The following CARS1 variants were observed in gnomAD, a reference collection of about 807,000 sequenced individuals.
The protein encoded by CARS1 is cysteine--tRNA ligase, cytoplasmic.
In CARS1, 48 loss-of-function variants were observed where a neutral mutation model predicts 106.2. That is an observed-to-expected ratio of 0.45 (90% CI 0.36 to 0.57). CARS1 has a LOEUF of 0.57. CARS1 is among the 20% of genes least tolerant of loss of function. CARS1 has a pLI of 0.00. For missense variants in CARS1, 968 were observed against 1,057.2 expected (o/e 0.92, Z 1.17); for synonymous variants, 409 against 403.4 (o/e 1.01, Z -0.17).
At position 3,028,445 on chromosome 11, in the gene CARS1, C is replaced by A. The variant is rs1301787407; in HGVS notation, c.1031+551G>T. On this transcript the variant is annotated intron_variant, in intron 9 of 22. Coordinates refer to ENST00000380525, the MANE Select transcript of CARS1 (RefSeq NM_001014437.3). The surrounding 1 kb of genome is among the most constrained non-coding windows in gnomAD (Gnocchi z 4.4). ...AACCCACCGACCCTGTGGGGCTGGT[C>A]CCTACACACTACAGACAGATAACCG... The A allele has an allele frequency of 8.7e-6, 2 of 230,272 alleles. No individual in the cohort carries two copies. Among genetic ancestry groups the A allele is most frequent in the Non-Finnish European group, 1.7e-5 (2 of 118,834 alleles). 14.3% of individuals were successfully genotyped at this position (230,272 alleles called of 1,614,324 possible).
rs1454607886 is a variant in CARS1, at chr11:3,041,108, A to G, written c.367-124T>C. 2.7e-6 allele frequency: 4 copies of G among 1,492,466 alleles called. No homozygotes were observed. The Admixed American group carries it at 7.6e-5, about 29-fold the overall frequency. 92.5% of individuals were successfully genotyped at this position (1,492,466 alleles called of 1,614,324 possible). On this transcript the variant is annotated intron_variant, in intron 3 of 22. Transcript: ENST00000380525. The surrounding 1 kb of genome is among the most constrained non-coding windows in gnomAD (Gnocchi z 4.9). ...TAGTGTAAACAATTCAACAGAGACC[A>G]TTTTGTTTTACTGTGAAAAGTCACA...
At chr11:3,035,309 G>A (rs1853469378) in intron 7 of CARS1, among the ~76,000 whole-genome samples, 1 of 152,136 alleles carries the variant, frequency 6.6e-6, no homozygotes, top group South Asian at 2.1e-4. Context: ...GCAAGCACTT[G>A]ACAAGATGCT....
Position 3,005,715 on chromosome 11 carries a change from C to A in CARS1, c.2150-282G>T, listed in dbSNP as rs564727837. On this transcript the variant is annotated intron_variant, in intron 19 of 22. Coordinates refer to ENST00000380525, the MANE Select transcript of CARS1 (RefSeq NM_001014437.3). Reference sequence around the variant, plus strand: ...TGGCACGATCTCAGTTCACTGCAACCTTTGCCTATCGGGTTCAAGCAATTC... The same window carrying A: ...TGGCACGATCTCAGTTCACTGCAACATTTGCCTATCGGGTTCAAGCAATTC... Among the ~76,000 whole-genome samples the A allele has an allele frequency of 3.3e-5, 5 of 150,946 alleles. No homozygotes were observed. In the South Asian group the frequency reaches 8.3e-4, roughly 25 times the overall value.
At position 3,029,212 on chromosome 11, in the gene CARS1, C is replaced by A; in HGVS notation, c.942+91G>T. On this transcript the variant is annotated intron_variant, in intron 8 of 22. Coordinates refer to ENST00000380525, the MANE Select transcript of CARS1 (RefSeq NM_001014437.3). This position sits in a 1 kb window ranked among gnomAD's most constrained non-coding sequence, Gnocchi z 5.9. ...AACTCAAGTTCAATGTTGACTTGGC[C>A]GCTTAATTGAGCTGGCCTTGCCAAA... 1 of 1,506,158 alleles carries A rather than the reference C, an allele frequency of 6.6e-7. No individual in the cohort carries two copies. Among genetic ancestry groups the A allele is most frequent in the South Asian group, 1.1e-5 (1 of 87,606 alleles). The allele number at this position is 1,506,158 out of a possible 1,614,324, so 93.3% of individuals were successfully genotyped here.
At position 3,026,768 on chromosome 11, in the gene CARS1, T is replaced by G; in HGVS notation, c.1061A>C (p.Asp354Ala). 1.2e-6 allele frequency: 2 copies of G among 1,613,762 alleles called. No homozygotes were observed. Among genetic ancestry groups the G allele is most frequent in the Non-Finnish European group, 1.7e-6 (2 of 1,179,882 alleles). The part of the protein sequence containing the change: ...GYVSNGSVYF[D>A]TAKFASSEKH... The stretch of plus-strand genomic sequence containing the variant: ...CTCGCTAGAAGCAAACTTCGCTGTA[T>G]CAAAGTAGACAGACCCATTGGAGAC... Residue 354 changes from aspartate to alanine, a missense_variant, in exon 10 of 23, where the codon GAT becomes GCT. Coordinates refer to ENST00000380525, the MANE Select transcript of CARS1 (RefSeq NM_001014437.3).
chr11:3,035,899 G>A (rs549775185), intron 7 of CARS1, among the ~76,000 whole-genome samples: 1 of 152,328 alleles, frequency 6.6e-6, no homozygotes, highest in South Asian at 2.1e-4. Context: ...GCATCCAGGA[G>A]CTGAAATGTC....
intron 14 of CARS1, chr11:3,018,200 C>T (rs1016774191): frequency 3.8e-5 from 23 of 609,722 alleles, no homozygotes; most frequent in African/African-American, 1.1e-4. Context: ...ACTAGGAGGA[C>T]GAGGCCTCTG....
At position 3,005,422 on chromosome 11, in the gene CARS1, C is replaced by T; in HGVS notation, c.2161G>A (p.Val721Met). The T allele has an allele frequency of 6.2e-7, 1 of 1,613,854 alleles. No homozygotes were observed. Among genetic ancestry groups the T allele is most frequent in the Middle Eastern group, 1.7e-4 (1 of 6,058 alleles). The change falls in exon 20 of 23, where the codon GTG (valine) becomes ATG (methionine). Residue 721 changes from valine to methionine, a missense_variant. Val to Met is a conservative substitution (Grantham distance 21, BLOSUM62 1). Transcript: ENST00000380525. ...RFEDHEGLPT[V>M]VKLVDRNTLL... ...GTGTTTCTGTCTACCAGTTTCACCA[C>T]TGTGGGCAGTCCTGCAAAATAAACT...
Position 3,019,251 on chromosome 11 carries a change from T to C in CARS1, c.1283A>G (p.His428Arg). The change falls in exon 12 of 23, where the codon CAT (histidine) becomes CGT (arginine). Residue 428 changes from histidine to arginine, a missense_variant. Physicochemically the swap from His to Arg is conservative, Grantham distance 29. Transcript: ENST00000380525. The surrounding 1 kb of genome is among the most constrained non-coding windows in gnomAD (Gnocchi z 6.2). ...CPWGKGRPGW[H>R]IECSAMAGTL... Reference sequence around the variant, plus strand: ...GCCTGCCATGGCCGAGCACTCGATATGCCAGCCCGGACGACCCTGGAGAAA... The same window carrying C: ...GCCTGCCATGGCCGAGCACTCGATACGCCAGCCCGGACGACCCTGGAGAAA... 2.8e-6 allele frequency: 4 copies of C among 1,450,090 alleles called. No homozygotes were observed. The highest frequency in any genetic ancestry group is 3.7e-6 in the Non-Finnish European group (4 of 1,094,620). 89.8% of individuals were successfully genotyped at this position (1,450,090 alleles called of 1,614,324 possible). A position where few individuals can be genotyped will look rare whatever the true frequency, so the allele number is the denominator to read the frequency against.
At chr11:3,026,892 G>A (rs919068802) in intron 9 of CARS1, 95 bp from the exon 10 acceptor site, 72 of 1,432,834 alleles carry the variant, frequency 5.0e-5, no homozygotes, top group Non-Finnish European at 5.5e-5. Flanking sequence ...GGCTATAAAA[G>A]TGCGAAATCT....
At chr11:3,016,917 G>A (rs914540355) in intron 16 of CARS1, among the ~76,000 whole-genome samples, 189 bp downstream of exon 16, 3 of 152,204 alleles carry the variant, frequency 2.0e-5, no homozygotes, top group African/African-American at 7.2e-5. Context: ...CCGCTTATGG[G>A]TGTTATTTCT....
chr11:3,047,042 C>T (rs949724416), intron 2 of CARS1, among the ~76,000 whole-genome samples: 16 of 152,250 alleles, frequency 1.1e-4, no homozygotes, highest in Non-Finnish European at 1.8e-4. Context: ...CTTTGGGAGG[C>T]CGAGGCGGGT....
rs187753612 is a variant in CARS1 at position 3,034,535 on chromosome 11, T to A, written c.801+3515A>T. On this transcript the variant is annotated intron_variant, in intron 7 of 22. Coordinates refer to ENST00000380525, the MANE Select transcript of CARS1 (RefSeq NM_001014437.3). The surrounding 1 kb of genome is among the most constrained non-coding windows in gnomAD (Gnocchi z 6.3). ...TGCGCCTGGCCGGGAATGGGTAAAATTTTTTTTCTTTTTGAGACGGAGTCT... is the reference window on the plus strand; with the variant it reads ...TGCGCCTGGCCGGGAATGGGTAAAAATTTTTTTCTTTTTGAGACGGAGTCT... Among the ~76,000 whole-genome samples, 123 of 151,390 alleles carry A rather than the reference T, an allele frequency of 8.1e-4. 1 individual carries two copies. Among genetic ancestry groups the A allele is most frequent in the African/African-American group, 2.7e-3 (113 of 41,176 alleles).
chr11:3,019,217 T>A lies in CARS1; in HGVS notation c.1317A>T (p.Leu439=). ...IECSAMAGTL[L]GASMDIHGGG... ...CTCCGTGAATGTCCATCGAAGCCCC[T>A]AGGAGGGTGCCTGCCATGGCCGAGC... is the stretch of plus-strand genomic sequence containing the variant. The change falls in exon 12 of 23, where the codon CTA becomes CTT. Residue 439 remains leucine (L), a synonymous_variant. Coordinates refer to ENST00000380525, the MANE Select transcript of CARS1 (RefSeq NM_001014437.3). This position sits in a 1 kb window ranked among gnomAD's most constrained non-coding sequence, Gnocchi z 6.2. 1 of 1,511,204 alleles carries A rather than the reference T, an allele frequency of 6.6e-7. No individual in the cohort carries two copies. The highest frequency in any genetic ancestry group is 8.9e-7 in the Non-Finnish European group (1 of 1,128,972). 93.6% of individuals were successfully genotyped at this position (1,511,204 alleles called of 1,614,324 possible). A position where few individuals can be genotyped will look rare whatever the true frequency, so the allele number is the denominator to read the frequency against.
At position 3,046,664 on chromosome 11, in the gene CARS1, G is replaced by A. The variant is rs760641371; in HGVS notation, c.274+1089C>T. 6.6e-6 allele frequency among the ~76,000 whole-genome samples: 1 copy of A among 152,156 alleles called. No individual in the cohort carries two copies. Among genetic ancestry groups the A allele is most frequent in the Admixed American group, 6.5e-5 (1 of 15,278 alleles). On this transcript the variant is annotated intron_variant, in intron 2 of 22. Coordinates refer to ENST00000380525, the MANE Select transcript of CARS1 (RefSeq NM_001014437.3). This position sits in a 1 kb window ranked among gnomAD's most constrained non-coding sequence, Gnocchi z 5.8. ...CATGTTCCCAATCCCAGGCCCCAAC[G>A]GAGTCTGGAGAAGCCCCCAGAAGGC...
At chr11:3,023,581 G>C (rs1476853204) in intron 10 of CARS1, among the ~76,000 whole-genome samples, 1 of 152,088 alleles carries the variant, frequency 6.6e-6, no homozygotes, top group African/African-American at 2.4e-5. Context: ...TTTTTGTAGA[G>C]ATGCGGTCTC....
In CARS1 at chr11:3,053,105, T is replaced by C. The variant is rs1187572582; in HGVS notation, c.25+4238A>G. 3.9e-5 allele frequency among the ~76,000 whole-genome samples: 6 copies of C among 152,196 alleles called. No individual in the cohort carries two copies. The highest frequency in any genetic ancestry group is 1.4e-4 in the African/African-American group (6 of 41,452). ...GTACCAAGCAATTGCTCAGCACAGA[T>C]ACCAAAACAAAGCCACACCAAATGA... On this transcript the variant is annotated intron_variant, in intron 1 of 22. Coordinates refer to ENST00000380525, the MANE Select transcript of CARS1 (RefSeq NM_001014437.3). This position sits in a 1 kb window ranked among gnomAD's most constrained non-coding sequence, Gnocchi z 6.6.
rs912125978 is a variant in CARS1, at chr11:3,041,599, T to A, written c.366+566A>T. 3.4e-4 allele frequency among the ~76,000 whole-genome samples: 52 copies of A among 152,208 alleles called. No homozygotes were observed. The Middle Eastern group carries it at 0.01, about 30-fold the overall frequency. On this transcript the variant is annotated intron_variant, in intron 3 of 22. Coordinates refer to ENST00000380525, the MANE Select transcript of CARS1 (RefSeq NM_001014437.3). The surrounding 1 kb of genome is among the most constrained non-coding windows in gnomAD (Gnocchi z 4.9). ...GAACTCCCTCACACCTGACTCTCTG[T>A]CTGCCAAACATGCTCCCTGATGGAA...
At chr11:3,054,134 C>T (rs552153662) in intron 1 of CARS1, among the ~76,000 whole-genome samples, 3 of 152,264 alleles carry the variant, frequency 2.0e-5, no homozygotes, top group East Asian at 3.9e-4. Flanking sequence ...TCCCAGAGAC[C>T]AGCGCCTCCT....
Sources: gnomAD v4.1 joint callset for allele counts (sites outside exome capture counted in the v4.1 genomes callset) on GRCh38, gnomAD v4.1.1 for gene constraint, Gnocchi (gnomAD v3.1) non-coding constraint, MANE v1.5 for transcripts, NCBI Gene and HGNC (gene_info 2026-07-23, HGNC 2026-07-21) for gene names.